Variants in WDR27 observed in about 807,000 individuals in gnomAD.
The protein encoded by WDR27 is WD repeat domain 27.
WDR27 carries 100 observed loss-of-function variants against 114.4 expected under a neutral mutation model. The ratio of observed to expected loss-of-function variants is 0.87; its 90% CI spans 0.74 to 1.03. The LOEUF (loss-of-function observed/expected upper bound fraction) is 1.03. WDR27 is among the 50% of genes least tolerant of loss of function. The probability of loss-of-function intolerance (pLI) is 0.00; values close to 1 mark genes in which losing one functional copy is unlikely to be tolerated. For synonymous variants in WDR27, 449 were observed against 423.1 expected (o/e 1.06, Z -0.75); for missense variants, 1,129 against 1,092.9 (o/e 1.03, Z -0.47).
intron 1 of WDR27, among the ~76,000 whole-genome samples, chr6:169,699,994 GAAC>G (rs1240791611): frequency 6.6e-6 from 1 of 152,112 alleles, no homozygotes; most frequent in Non-Finnish European, 1.5e-5. Flanking sequence ...GAAAGAAAAA[GAAC>G]AATGGACAAG....
In WDR27 at chr6:169,666,704, C is replaced by T. The variant is rs186938650; in HGVS notation, c.712+432G>A. On this transcript the variant is annotated intron_variant, in intron 6 of 25. Transcript: ENST00000448612. ...AAGAACGCAAGGACCCTGGCATTCA[C>T]GAGCTGCACACGTGCTCAGGACCTG... 2.7e-3 allele frequency: 2,698 copies of T among 987,828 alleles called. 6 individuals carry two copies. Among genetic ancestry groups the T allele is most frequent in the Middle Eastern group, 6.8e-3 (13 of 1,924 alleles). The allele number at this position is 987,828 out of a possible 1,614,324, so 61.2% of individuals were successfully genotyped here. A position where few individuals can be genotyped will look rare whatever the true frequency, so the allele number is the denominator to read the frequency against.
chr6:169,691,016 C>T (rs951789934), intron 1 of WDR27, among the ~76,000 whole-genome samples: 5 of 152,142 alleles, frequency 3.3e-5, no homozygotes, highest in African/African-American at 1.2e-4. Flanking sequence ...GAGATCGAGA[C>T]CATCCTGGCT....
chr6:169,444,406 G>A, the WDR27 span, among the ~76,000 whole-genome samples: 2 of 152,334 alleles, frequency 1.3e-5, no homozygotes, highest in East Asian at 3.9e-4. Context: ...ATACAGCCCC[G>A]TGTCGGATGA....
rs180900496 is a variant in WDR27, at chr6:169,511,130, T to C, written c.2646-53496A>G. On this transcript the variant is annotated intron_variant, in intron 25 of 25. Transcript: ENST00000448612. ...CAGTTCCAGTAGTGTGTTTCAGACT[T>C]TGATACAAAAACAAAGGCAATTTCC... Among the ~76,000 whole-genome samples the C allele has an allele frequency of 1.8e-4, 28 of 152,298 alleles. No individual in the cohort carries two copies. The East Asian group carries it at 5.0e-3, about 27-fold the overall frequency.
At chr6:169,613,484 C>T (rs1055858904) in intron 22 of WDR27, 75 bp downstream of exon 22, 7 of 1,219,840 alleles carry the variant, frequency 5.7e-6, no homozygotes, top group Middle Eastern at 2.3e-4. Flanking sequence ...TCATCACATT[C>T]GGAAAAGAGA....
chr6:169,584,981 A>C (rs1232183815), intron 23 of WDR27, among the ~76,000 whole-genome samples: 1 of 152,252 alleles, frequency 6.6e-6, no homozygotes, highest in Non-Finnish European at 1.5e-5. Flanking sequence ...AATTAGACAG[A>C]GTATAGAGCT....
chr6:169,444,079 A>G, the WDR27 span, among the ~76,000 whole-genome samples: 85,970 of 152,006 alleles, frequency 0.57, 26,595 homozygotes, highest in East Asian at 0.95. Flanking sequence ...GCTGAAGTGC[A>G]TGAGACTCCC....
chr6:169,650,787 T>A (rs1316987703), intron 14 of WDR27, among the ~76,000 whole-genome samples: 2 of 148,534 alleles, frequency 1.3e-5, no homozygotes, highest in African/African-American at 5.0e-5. Context: ...CTCTCATCTC[T>A]CCATCCCTCC....
At chr6:169,599,596 T>C (rs972525878) in intron 23 of WDR27, among the ~76,000 whole-genome samples, 1 of 152,180 alleles carries the variant, frequency 6.6e-6, no homozygotes, top group Non-Finnish European at 1.5e-5. Context: ...TCTGTGGGAT[T>C]GGTGGTGATA....
chr6:169,443,308 G>A, the WDR27 span, among the ~76,000 whole-genome samples: 1 of 152,122 alleles, frequency 6.6e-6, no homozygotes. Flanking sequence ...TAACTCTCCT[G>A]TTATTCATTT....
intron 25 of WDR27, among the ~76,000 whole-genome samples, chr6:169,463,217 G>A (rs1785130104): frequency 6.6e-6 from 1 of 152,186 alleles, no homozygotes; most frequent in African/African-American, 2.4e-5. Flanking sequence ...GGAAGAAGAA[G>A]AGTGGAATAG....
intron 4 of WDR27, among the ~76,000 whole-genome samples, chr6:169,668,963 T>C (rs1828640810): frequency 6.6e-6 from 1 of 152,184 alleles, no homozygotes; most frequent in Non-Finnish European, 1.5e-5. Context: ...TTGTTAAAAA[T>C]AAAAGGCAAG....
intron 2 of WDR27, 72 bp downstream of exon 2, chr6:169,688,745 C>T (rs1182714623): frequency 1.5e-5 from 19 of 1,256,558 alleles, no homozygotes; most frequent in South Asian, 1.1e-4. Flanking sequence ...TAATGCTGTC[C>T]GAACAGCATC....
At chr6:169,625,503 C>A (rs886553376) in intron 21 of WDR27, among the ~76,000 whole-genome samples, 4 of 152,244 alleles carry the variant, frequency 2.6e-5, no homozygotes, top group South Asian at 2.1e-4. Context: ...AGAGCACAGA[C>A]AGAGTGCAGC....
Position 169,648,166 on chromosome 6 carries a change from G to A in WDR27, c.1560-296C>T, listed in dbSNP as rs571651872. On this transcript the variant is annotated intron_variant, in intron 15 of 25. Transcript: ENST00000448612. ...CATGTGAGTACTGTGACGATTTGGG[G>A]GTGAGGGTTCTCACTAAGAGAAAAT... Among the ~76,000 whole-genome samples, 3 of 152,234 alleles carry A rather than the reference G, an allele frequency of 2.0e-5. No homozygotes were observed. In the East Asian group the frequency reaches 5.8e-4, roughly 29 times the overall value.
chr6:169,590,776 C>T (rs1805585354), intron 23 of WDR27, among the ~76,000 whole-genome samples: 1 of 152,244 alleles, frequency 6.6e-6, no homozygotes, highest in Non-Finnish European at 1.5e-5. Flanking sequence ...GTACCACCCA[C>T]CGGTCTAACC....
rs1584299075 is a variant in WDR27, at chr6:169,571,992, G to A, written c.2645+427C>T. ...CAGGAATTAAAAATTATTATAATAT[G>A]TTAAAAGTTCTGTAATTTCAGCAGA... is the stretch of plus-strand genomic sequence containing the variant. On this transcript the variant is annotated intron_variant, in intron 25 of 25. Coordinates refer to ENST00000448612, the MANE Select transcript of WDR27 (RefSeq NM_182552.5). Among the ~76,000 whole-genome samples, 3 of 152,254 alleles carry A rather than the reference G, an allele frequency of 2.0e-5. No individual in the cohort carries two copies. In the South Asian group the frequency reaches 6.2e-4, roughly 32 times the overall value.
At chr6:169,477,935 T>G (rs1223746558) in intron 25 of WDR27, among the ~76,000 whole-genome samples, 1 of 152,172 alleles carries the variant, frequency 6.6e-6, no homozygotes, top group Admixed American at 6.5e-5. Context: ...ATGTGACATA[T>G]CTATGCAATG....
chr6:169,529,361 C>T (rs1450436370), intron 25 of WDR27, among the ~76,000 whole-genome samples: 1 of 147,096 alleles, frequency 6.8e-6, no homozygotes, highest in Admixed American at 6.9e-5. Flanking sequence ...TTTTTCCCTT[C>T]GTTTGTTTCC....
Sources: gnomAD v4.1 joint callset for allele counts (sites outside exome capture counted in the v4.1 genomes callset) on GRCh38, gnomAD v4.1.1 for gene constraint, MANE v1.5 for transcripts, NCBI Gene and HGNC (gene_info 2026-07-23, HGNC 2026-07-21) for gene names.